SNX31: variants seen among roughly 807,000 people sequenced by gnomAD.
SNX31 encodes sorting nexin-31.
SNX31 carries 58 observed loss-of-function variants against 65.4 expected under a neutral mutation model. That is an observed-to-expected ratio of 0.89 (90% CI 0.72 to 1.10). The LOEUF (loss-of-function observed/expected upper bound fraction) is 1.10. Among genes scored for constraint, SNX31 ranks in the 50% least tolerant of loss-of-function variants. The pLI, the probability that SNX31 is intolerant of heterozygous loss-of-function variation, is 0.00. For synonymous variants in SNX31, 181 were observed against 190.1 expected, an observed-to-expected ratio of 0.95 and a Z score of 0.39; for missense variants, 523 against 529.7, an observed-to-expected ratio of 0.99 and a Z score of 0.12.
intron 2 of SNX31, among the ~76,000 whole-genome samples, 181 bp from the exon 3 acceptor site, chr8:100,636,192 T>C (rs1439575066): frequency 6.6e-6 from 1 of 152,232 alleles, no homozygotes; most frequent in Non-Finnish European, 1.5e-5. Context: ...TTTATTTCAG[T>C]ATATATTCTG....
In SNX31 at chr8:100,588,929, T is replaced by C. The variant is rs745783985; in HGVS notation, c.1029A>G (p.Leu343=). 1.2e-6 allele frequency: 2 copies of C among 1,614,076 alleles called. No individual in the cohort carries two copies. Among genetic ancestry groups the C allele is most frequent in the South Asian group, 1.1e-5 (1 of 91,072 alleles). ...CCTCACTGTATTGAAATCTGAGCTC[T>C]AAGTTCTGGTTGAGAGTTCTCTGGG... is the stretch of plus-strand genomic sequence containing the variant. ...DGPQRTLNQN[L]ELRFQYSEDS... The change falls in exon 11 of 14, where the codon TTA becomes TTG. Residue 343 remains leucine (L), a synonymous_variant. Coordinates refer to ENST00000311812, the MANE Select transcript of SNX31 (RefSeq NM_152628.4). This position sits in a 1 kb window ranked among gnomAD's most constrained non-coding sequence, Gnocchi z 4.8.
chr8:100,646,006 G>A (rs78508466), intron 2 of SNX31, among the ~76,000 whole-genome samples: 40 of 152,122 alleles, frequency 2.6e-4, no homozygotes, highest in African/African-American at 8.0e-4. Flanking sequence ...TCTGGAACTC[G>A]CATGACAGAG....
At chr8:100,587,806 T>C (rs1170027577) in intron 11 of SNX31, among the ~76,000 whole-genome samples, 1 of 152,250 alleles carries the variant, frequency 6.6e-6, no homozygotes, top group African/African-American at 2.4e-5. Flanking sequence ...TGTTTAGACT[T>C]GGGTCCCATC....
intron 7 of SNX31, among the ~76,000 whole-genome samples, chr8:100,611,235 G>A (rs925092793): frequency 2.6e-5 from 4 of 151,866 alleles, no homozygotes; most frequent in Admixed American, 2.6e-4. Flanking sequence ...ACACTTCTAC[G>A]GATAAATCAG....
At position 100,612,871 on chromosome 8, in the gene SNX31, T is replaced by G; in HGVS notation, c.523+124A>C. 5 of 816,944 alleles carry G rather than the reference T, an allele frequency of 6.1e-6. No homozygotes were observed. The highest frequency in any genetic ancestry group is 1.1e-5 in the Non-Finnish European group (5 of 475,594). The allele number at this position is 816,944 out of a possible 1,614,324, so 50.6% of individuals were successfully genotyped here. On this transcript the variant is annotated intron_variant, in intron 6 of 13. Transcript: ENST00000311812. This position sits in a 1 kb window ranked among gnomAD's most constrained non-coding sequence, Gnocchi z 4.3. ...TTCCCTAAACCCTTAACCCAGTGAC[T>G]GAGAACAGTGGTAGGGATCACAGCC...
chr8:100,616,018 C>T (rs1167800947), intron 5 of SNX31, among the ~76,000 whole-genome samples: 2 of 152,170 alleles, frequency 1.3e-5, no homozygotes, highest in African/African-American at 4.8e-5. Context: ...TCGTGATCCG[C>T]CCACCTTGGC....
At chr8:100,623,444 T>G (rs1817838077) in intron 4 of SNX31, among the ~76,000 whole-genome samples, 1 of 152,148 alleles carries the variant, frequency 6.6e-6, no homozygotes, top group Non-Finnish European at 1.5e-5. Context: ...CCAGTGGAAT[T>G]CTGACTCACA....
chr8:100,638,505 C>T (rs926329466), intron 2 of SNX31, among the ~76,000 whole-genome samples: 6 of 152,064 alleles, frequency 3.9e-5, no homozygotes, highest in Non-Finnish European at 5.9e-5. Context: ...ACTGCCTGCC[C>T]GTGGGCAAAA....
At chr8:100,580,151 GTCTTT>G (rs1813365524) in intron 12 of SNX31, among the ~76,000 whole-genome samples, 1 of 110,780 alleles carries the variant, frequency 9.0e-6, no homozygotes. Context: ...GACAGAGCCT[GTCTTT>G]AAAAAAAAAA....
intron 8 of SNX31, 47 bp downstream of exon 8, chr8:100,608,447 C>T (rs1423813449): frequency 2.5e-6 from 4 of 1,589,080 alleles, no homozygotes; most frequent in Non-Finnish European, 3.5e-6. Context: ...TCCAAGCCAA[C>T]ATGGCCTATG....
At chr8:100,591,359 GGC>G (rs1382247496) in intron 10 of SNX31, among the ~76,000 whole-genome samples, 11 of 152,134 alleles carry the variant, frequency 7.2e-5, no homozygotes, top group African/African-American at 2.7e-4. Context: ...AAGGCGGGCA[GGC>G]GCCTGTAGTC....
intron 1 of SNX31, among the ~76,000 whole-genome samples, chr8:100,657,345 A>G (rs1820067593): frequency 6.6e-6 from 1 of 151,890 alleles, no homozygotes; most frequent in Non-Finnish European, 1.5e-5. Context: ...CCAGCTACTC[A>G]GGAGGCTGAG....
chr8:100,648,322 C>CTTTT lies in SNX31; in HGVS notation c.141+948_141+951dup, dbSNP rs33988254. 0.063 allele frequency among the ~76,000 whole-genome samples: 8,304 copies of CTTTT among 131,254 alleles called. 410 individuals carry two copies. The highest frequency in any genetic ancestry group is 0.092 in the Non-Finnish European group (5,786 of 62,818). 86.1% of individuals were successfully genotyped at this position (131,254 alleles called of 152,430 possible). A position where few individuals can be genotyped will look rare whatever the true frequency, so the allele number is the denominator to read the frequency against. ...GAAAGTTTTTTCAGTTTTCTCTACACTTTTTTTTTTTTTTTTTTTAATAGA... is the reference window on the plus strand; with the variant it reads ...GAAAGTTTTTTCAGTTTTCTCTACACTTTTTTTTTTTTTTTTTTTTTTTAATAGA... On this transcript the variant is annotated intron_variant, in intron 2 of 13. Transcript: ENST00000311812. This position sits in a 1 kb window ranked among gnomAD's most constrained non-coding sequence, Gnocchi z 4.3.
At chr8:100,591,680 A>T (rs963462570) in intron 10 of SNX31, among the ~76,000 whole-genome samples, 6 of 151,614 alleles carry the variant, frequency 4.0e-5, no homozygotes, top group Admixed American at 3.9e-4. Context: ...AAAAAATGAA[A>T]ATCAGCTGGG....
intron 9 of SNX31, among the ~76,000 whole-genome samples, chr8:100,597,299 C>T (rs973678063): frequency 5.9e-5 from 9 of 151,642 alleles, no homozygotes; most frequent in South Asian, 2.1e-4. Context: ...TGGCGTGCTG[C>T]GGCACGATCT....
At chr8:100,628,498 A>C (rs201687971) in intron 4 of SNX31, among the ~76,000 whole-genome samples, 1 of 151,880 alleles carries the variant, frequency 6.6e-6, no homozygotes, top group African/African-American at 2.4e-5. Flanking sequence ...GGACAAAAAA[A>C]CAAACACCGC....
intron 1 of SNX31, among the ~76,000 whole-genome samples, chr8:100,656,548 G>A (rs747711317): frequency 2.2e-4 from 32 of 147,522 alleles, no homozygotes; most frequent in Admixed American, 1.4e-4. Context: ...GGCCAAGGCG[G>A]GAGAATCTCT....
At chr8:100,652,472 T>G (rs1477692145), upstream of SNX31, among the ~76,000 whole-genome samples, 3 of 152,206 alleles carry the variant, frequency 2.0e-5, no homozygotes, top group Non-Finnish European at 4.4e-5. Flanking sequence ...GGCGCTGCAG[T>G]GAGGCTGTTA....
chr8:100,613,603 T>C lies in SNX31; in HGVS notation c.433-518A>G, dbSNP rs1358823868. On this transcript the variant is annotated intron_variant, in intron 5 of 13. Transcript: ENST00000311812. This position sits in a 1 kb window ranked among gnomAD's most constrained non-coding sequence, Gnocchi z 5.2. ...AGGCCTGCTTCGCCTTGATGTTTCC[T>C]GCGATGGTCAACTGTAATTTACTAG... Among the ~76,000 whole-genome samples, 1 of 152,248 alleles carries C rather than the reference T, an allele frequency of 6.6e-6. No homozygotes were observed. Among genetic ancestry groups the C allele is most frequent in the Non-Finnish European group, 1.5e-5 (1 of 68,042 alleles).
Sources: gnomAD v4.1 joint callset for allele counts (sites outside exome capture counted in the v4.1 genomes callset) on GRCh38, gnomAD v4.1.1 for gene constraint, Gnocchi (gnomAD v3.1) non-coding constraint, MANE v1.5 for transcripts, NCBI Gene and HGNC (gene_info 2026-07-23, HGNC 2026-07-21) for gene names.